Variants in RYR2 observed in about 807,000 individuals in gnomAD.
RYR2 encodes the protein ryanodine receptor 2, also known as cardiac muscle ryanodine receptor-calcium release channel.
Under a neutral mutation model 601.1 loss-of-function variants are expected in RYR2, and 227 were observed. The observed-to-expected ratio is 0.38, with a 90% CI of 0.34 to 0.42. The LOEUF (loss-of-function observed/expected upper bound fraction) is 0.42. RYR2 is among the 10% of genes least tolerant of loss of function. The pLI, the probability that RYR2 is intolerant of heterozygous loss-of-function variation, is 1.00. For synonymous variants in RYR2, 2,223 were observed against 2,175.1 expected (o/e 1.02, Z -0.61); for missense variants, 4,646 against 6,156.5 (o/e 0.75, Z 8.21).
intron 1 of RYR2, among the ~76,000 whole-genome samples, chr1:237,216,451 A>G (rs1683160950): frequency 6.6e-6 from 1 of 152,262 alleles, no homozygotes; most frequent in African/African-American, 2.4e-5. Flanking sequence ...AAAAAGTATA[A>G]TATGGGCTAG....
chr1:237,253,135 G>C (rs1687628783), intron 1 of RYR2, among the ~76,000 whole-genome samples: 3 of 139,428 alleles, frequency 2.2e-5, no homozygotes, highest in African/African-American at 8.1e-5. Flanking sequence ...CTGCACTGCA[G>C]CCTGGGCAAC....
chr1:237,579,430 A>G (rs1386771673), intron 29 of RYR2, among the ~76,000 whole-genome samples: 1 of 151,400 alleles, frequency 6.6e-6, no homozygotes, highest in African/African-American at 2.4e-5. Context: ...CTAATTTTGT[A>G]TTTTTAGTAC....
intron 1 of RYR2, among the ~76,000 whole-genome samples, chr1:237,160,478 A>T (rs1675879935): frequency 6.6e-6 from 1 of 151,776 alleles, no homozygotes; most frequent in South Asian, 2.1e-4. Context: ...TTTCATTTTT[A>T]TTTTTTTGTC....
intron 1 of RYR2, among the ~76,000 whole-genome samples, chr1:237,179,085 G>A (rs1036424465): frequency 6.6e-6 from 1 of 152,146 alleles, no homozygotes; most frequent in Non-Finnish European, 1.5e-5. Flanking sequence ...TATAATAAAT[G>A]TGATAGCTTT....
intron 27 of RYR2, among the ~76,000 whole-genome samples, chr1:237,552,991 A>G (rs377212227): frequency 2.2e-4 from 34 of 152,176 alleles, no homozygotes; most frequent in African/African-American, 7.2e-4. Context: ...TATTTTGGAT[A>G]GAAGAACCAT....
intron 22 of RYR2, 71 bp downstream of exon 22, chr1:237,503,576 G>C: frequency 6.8e-7 from 1 of 1,475,086 alleles, no homozygotes; most frequent in Non-Finnish European, 9.4e-7. Flanking sequence ...TTTACACTTG[G>C]ACCACAACCC....
chr1:237,408,392 T>TTATATATGTATATATATA (rs1266932501), intron 10 of RYR2, among the ~76,000 whole-genome samples: 1 of 62,604 alleles, frequency 1.6e-5, no homozygotes, highest in African/African-American at 1.6e-4. Context: ...TCTAGATTCT[T>TTATATATGTATATATATA]TATATATATA....
chr1:237,728,198 A>G (rs907843618), intron 76 of RYR2, among the ~76,000 whole-genome samples: 6 of 152,190 alleles, frequency 3.9e-5, no homozygotes, highest in African/African-American at 1.4e-4. Context: ...AAGAAAAAAA[A>G]GAAACATAAG....
At chr1:237,678,788 G>A (rs1685615724) in intron 61 of RYR2, among the ~76,000 whole-genome samples, 1 of 152,144 alleles carries the variant, frequency 6.6e-6, no homozygotes, top group Non-Finnish European at 1.5e-5. Context: ...GCCCAGGGAT[G>A]GCCATGAATA....
Position 237,371,034 on chromosome 1 carries a change from GA to G in RYR2, c.384+1431del, listed in dbSNP as rs939339627. The stretch of plus-strand genomic sequence containing the variant: ...TCTATACGATTTGGAAGTTGCAGAA[GA>G]AAAATTCTGATCACACTAATAGGAA... On this transcript the variant is annotated intron_variant, in intron 6 of 104. Coordinates refer to ENST00000366574, the MANE Select transcript of RYR2 (RefSeq NM_001035.3). Among the ~76,000 whole-genome samples the G allele has an allele frequency of 1.6e-3, 236 of 151,004 alleles. 1 individual carries two copies. Among genetic ancestry groups the G allele is most frequent in the African/African-American group, 5.3e-3 (217 of 41,172 alleles).
In RYR2 at chr1:237,784,135, C is replaced by T. The variant is rs998612441; in HGVS notation, c.12423C>T (p.Ser4141=). The T allele has an allele frequency of 5.6e-6, 9 of 1,613,926 alleles. No individual in the cohort carries two copies. Among genetic ancestry groups the T allele is most frequent in the Non-Finnish European group, 6.8e-6 (8 of 1,179,864 alleles). The part of the protein sequence containing the change: ...PFLGRIEIMG[S]AKRIERVYFE... Reference sequence around the variant, plus strand: ...TGGGCCGCATCGAAATCATGGGAAGCGCCAAACGCATCGAGAGGGTCTATT... The same window carrying T: ...TGGGCCGCATCGAAATCATGGGAAGTGCCAAACGCATCGAGAGGGTCTATT... The change falls in exon 90 of 105, where the codon AGC becomes AGT. Residue 4141 remains serine, a synonymous_variant. Coordinates refer to ENST00000366574, the MANE Select transcript of RYR2 (RefSeq NM_001035.3). This position sits in a 1 kb window ranked among gnomAD's most constrained non-coding sequence, Gnocchi z 7.1.
At chr1:237,308,441 T>G (rs1245988967) in intron 2 of RYR2, among the ~76,000 whole-genome samples, 1 of 152,214 alleles carries the variant, frequency 6.6e-6, no homozygotes, top group Non-Finnish European at 1.5e-5. Flanking sequence ...CCTTGAATTA[T>G]TTCTTGCATG....
intron 17 of RYR2, among the ~76,000 whole-genome samples, chr1:237,478,849 G>T (rs1311398662): frequency 3.9e-5 from 6 of 152,118 alleles, no homozygotes; most frequent in Non-Finnish European, 8.8e-5. Context: ...CTTCATAATA[G>T]ATAATGTCTC....
chr1:237,808,126 C>G (rs1334856359), intron 99 of RYR2, among the ~76,000 whole-genome samples: 2 of 152,136 alleles, frequency 1.3e-5, no homozygotes, highest in Non-Finnish European at 1.5e-5. Flanking sequence ...GCCTTCAAAA[C>G]AGTGTTGGTC....
intron 1 of RYR2, among the ~76,000 whole-genome samples, chr1:237,099,252 A>G (rs1572627777): frequency 6.6e-6 from 1 of 152,074 alleles, no homozygotes; most frequent in East Asian, 1.9e-4. Flanking sequence ...TAAAAAAAAT[A>G]TTTGAGACAG....
At chr1:237,417,147 C>A (rs759570625) in intron 11 of RYR2, 24 bp downstream of exon 11, 7 of 1,561,504 alleles carry the variant, frequency 4.5e-6, no homozygotes, top group African/African-American at 4.1e-5. Context: ...CTAAACACAG[C>A]CTAATGCACC....
intron 63 of RYR2, among the ~76,000 whole-genome samples, chr1:237,697,383 A>G (rs957838788): frequency 7.0e-5 from 10 of 142,140 alleles, no homozygotes; most frequent in Non-Finnish European, 9.1e-5. Context: ...ATATAATTGC[A>G]TATTATATAT....
At chr1:237,166,333 G>A (rs1404268135) in intron 1 of RYR2, among the ~76,000 whole-genome samples, 1 of 152,224 alleles carries the variant, frequency 6.6e-6, no homozygotes, top group Non-Finnish European at 1.5e-5. Context: ...TTCTGCATGA[G>A]TGTGTTGGGA....
At chr1:237,609,860 A>G (rs1414904384) in intron 35 of RYR2, among the ~76,000 whole-genome samples, 4 of 152,156 alleles carry the variant, frequency 2.6e-5, no homozygotes, top group South Asian at 2.1e-4. Flanking sequence ...AGTGAGAAAA[A>G]TGGAAGCTAT....
Sources: gnomAD v4.1 joint callset for allele counts (sites outside exome capture counted in the v4.1 genomes callset) on GRCh38, gnomAD v4.1.1 for gene constraint, Gnocchi (gnomAD v3.1) non-coding constraint, MANE v1.5 for transcripts, NCBI Gene and HGNC (gene_info 2026-07-23, HGNC 2026-07-21) for gene names.